MSTO1: variants seen among roughly 807,000 people sequenced by gnomAD.
MSTO1 encodes the protein misato mitochondrial distribution and morphology regulator 1.
MSTO1 carries 24 observed loss-of-function variants against 55.7 expected under a neutral mutation model. The ratio of observed to expected loss-of-function variants is 0.43; its 90% CI spans 0.31 to 0.61. MSTO1 has a LOEUF of 0.61. MSTO1 is among the 20% of genes least tolerant of loss of function. MSTO1 has a pLI of 0.09. For missense variants in MSTO1, 363 were observed against 625.7 expected (o/e 0.58, Z 4.48); for synonymous variants, 162 against 252.8 (o/e 0.64, Z 3.41).
chr1:155,575,268 A>T, the MSTO1 span, among the ~76,000 whole-genome samples: 1 of 151,748 alleles, frequency 6.6e-6, no homozygotes, highest in South Asian at 2.1e-4. Context: ...TGTCCAACAC[A>T]TATCATTGTC....
chr1:155,580,980 A>G, the MSTO1 span, among the ~76,000 whole-genome samples: 1 of 151,678 alleles, frequency 6.6e-6, no homozygotes, highest in Non-Finnish European at 1.5e-5. Context: ...TCATCAGAGT[A>G]GCGGCAGAGT....
chr1:155,599,720 C>T, the MSTO1 span, among the ~76,000 whole-genome samples: 2 of 152,120 alleles, frequency 1.3e-5, no homozygotes, highest in African/African-American at 4.8e-5. Flanking sequence ...ATTGATCATT[C>T]GTGGGTGTTT....
intron 8 of MSTO1, 25 bp from the exon 9 acceptor site, chr1:155,612,393 A>G (rs540817237): frequency 1.2e-6 from 2 of 1,601,498 alleles, no homozygotes; most frequent in Admixed American, 3.4e-5. Flanking sequence ...GAGCTGCTTA[A>G]TACAAACTAC....
chr1:155,574,376 G>A, the MSTO1 span, among the ~76,000 whole-genome samples: 1 of 152,086 alleles, frequency 6.6e-6, no homozygotes, highest in Non-Finnish European at 1.5e-5. Flanking sequence ...CAGAAAAGCT[G>A]AGGAAATCCA....
chr1:155,614,413 G>A lies in MSTO1; in HGVS notation c.*140G>A, dbSNP rs532469479. On this transcript the variant is annotated 3_prime_UTR_variant, in exon 14 of 14. Coordinates refer to ENST00000245564, the MANE Select transcript of MSTO1 (RefSeq NM_018116.4). Reference sequence around the variant, plus strand: ...CACTTTTTACATTTAGAAACACTGTGATTAGACCACAGAACAATAAATATG... The same window carrying A: ...CACTTTTTACATTTAGAAACACTGTAATTAGACCACAGAACAATAAATATG... The A allele has an allele frequency of 2.7e-5, 16 of 585,694 alleles. No individual in the cohort carries two copies. The East Asian group carries it at 4.5e-4, about 17-fold the overall frequency. The allele number at this position is 585,694 out of a possible 1,614,324, so 36.3% of individuals were successfully genotyped here.
the MSTO1 span, chr1:155,591,377 A>C: frequency 1.3e-6 from 1 of 774,078 alleles, no homozygotes; most frequent in Non-Finnish European, 2.1e-6. Context: ...ATGCTGTTTC[A>C]GAAACTGCAG....
chr1:155,575,978 ACG>A, the MSTO1 span, among the ~76,000 whole-genome samples: 2 of 151,520 alleles, frequency 1.3e-5, no homozygotes, highest in Non-Finnish European at 2.9e-5. Context: ...ACACGTCACC[ACG>A]CCCAGCTAAT....
chr1:155,614,486 C>A lies in MSTO1; in HGVS notation c.*213C>A, dbSNP rs562653784. 1.4e-5 allele frequency: 9 copies of A among 647,538 alleles called. No homozygotes were observed. The highest frequency in any genetic ancestry group is 2.2e-5 in the Non-Finnish European group (8 of 369,572). The allele number at this position is 647,538 out of a possible 1,614,324, so 40.1% of individuals were successfully genotyped here. A position where few individuals can be genotyped will look rare whatever the true frequency, so the allele number is the denominator to read the frequency against. ...AGAGAAAGGAGCTGAACTCCACTCT[C>A]GATGCTACTTACAGAGGACATCTGT... On this transcript the variant is annotated 3_prime_UTR_variant, in exon 14 of 14. Coordinates refer to ENST00000245564, the MANE Select transcript of MSTO1 (RefSeq NM_018116.4).
In MSTO1 at chr1:155,614,740, T is replaced by A; in HGVS notation, c.*467T>A. On this transcript the variant is annotated 3_prime_UTR_variant, in exon 14 of 14. Transcript: ENST00000245564. ...AGAGTCTCATTCATCCAGCTCCTCT[T>A]CAGACAGAAGGTCCCCATGGTCAGA... 1 of 1,576,224 alleles carries A rather than the reference T, an allele frequency of 6.3e-7. No individual in the cohort carries two copies. The highest frequency in any genetic ancestry group is 2.2e-5 in the East Asian group (1 of 44,636).
At chr1:155,588,480 C>T in the MSTO1 span, among the ~76,000 whole-genome samples, 11 of 152,026 alleles carry the variant, frequency 7.2e-5, no homozygotes, top group East Asian at 3.9e-4. Flanking sequence ...AACTCATGAA[C>T]GAGATAATAT....
chr1:155,583,274 T>C, the MSTO1 span, among the ~76,000 whole-genome samples: 1 of 150,428 alleles, frequency 6.6e-6, no homozygotes, highest in Non-Finnish European at 1.5e-5. Context: ...GCATAGTGGC[T>C]CACACCTGCA....
the MSTO1 span, among the ~76,000 whole-genome samples, chr1:155,583,847 C>T: frequency 3.9e-5 from 6 of 151,994 alleles, no homozygotes; most frequent in East Asian, 3.9e-4. Flanking sequence ...GTGGTTGTGC[C>T]GGGGAGCATT....
chr1:155,605,242 T>C (rs1381469376), upstream of MSTO1, among the ~76,000 whole-genome samples: 9 of 151,534 alleles, frequency 5.9e-5, no homozygotes, highest in Admixed American at 4.6e-4. Flanking sequence ...GCCTAAGCAA[T>C]AGAGCAAGAC....
At chr1:155,581,764 A>C in the MSTO1 span, among the ~76,000 whole-genome samples, 5 of 151,290 alleles carry the variant, frequency 3.3e-5, no homozygotes, top group Admixed American at 2.6e-4. Flanking sequence ...ATTAGGCTGG[A>C]GATAATTATC....
chr1:155,574,870 C>CTTTTTT, the MSTO1 span, among the ~76,000 whole-genome samples: 7 of 126,236 alleles, frequency 5.5e-5, no homozygotes, highest in African/African-American at 1.2e-4. Flanking sequence ...AGAACTTTTT[C>CTTTTTT]TTTTTTTTTT....
the MSTO1 span, among the ~76,000 whole-genome samples, chr1:155,603,872 A>T: frequency 6.6e-6 from 1 of 152,272 alleles, no homozygotes; most frequent in Non-Finnish European, 1.5e-5. Flanking sequence ...AGAAAAAAAA[A>T]ATTAAATCTC....
the MSTO1 span, among the ~76,000 whole-genome samples, chr1:155,573,603 T>C: frequency 1.3e-5 from 2 of 151,266 alleles, no homozygotes; most frequent in Admixed American, 1.3e-4. Flanking sequence ...TTTGGGATGG[T>C]GAAACTGGCT....
the MSTO1 span, chr1:155,563,556 T>A: frequency 2.2e-6 from 1 of 456,432 alleles, no homozygotes; most frequent in South Asian, 1.5e-5. Flanking sequence ...ACTGTCCATA[T>A]GCGATGATGT....
chr1:155,570,159 A>T, the MSTO1 span, among the ~76,000 whole-genome samples: 6 of 152,214 alleles, frequency 3.9e-5, no homozygotes, highest in African/African-American at 1.4e-4. Flanking sequence ...CTAGAATGTT[A>T]ATCCCAGTCA....
Sources: allele counts gnomAD v4.1 joint callset (sites outside exome capture counted in the v4.1 genomes callset), GRCh38; gene constraint gnomAD v4.1.1; transcripts MANE v1.5; gene names NCBI Gene and HGNC (gene_info 2026-07-23, HGNC 2026-07-21).